LAMA5: variants seen among roughly 807,000 people sequenced by gnomAD.
LAMA5 encodes laminin subunit alpha-5.
A neutral mutation model predicts 433.4 loss-of-function variants in LAMA5; 260 were observed. The observed-to-expected ratio is 0.60, with a 90% CI of 0.54 to 0.66. The LOEUF (loss-of-function observed/expected upper bound fraction) is 0.66. Ranked by LOEUF, LAMA5 falls within the 30% of genes least tolerant of loss-of-function variation. The pLI, the probability that LAMA5 is intolerant of heterozygous loss-of-function variation, is 0.00. For missense variants in LAMA5, 5,378 were observed against 5,258.5 expected (o/e 1.02, Z -0.70); for synonymous variants, 2,620 against 2,226.6 (o/e 1.18, Z -4.97).
At chr20:62,331,639 G>A (rs961894386) in intron 28 of LAMA5, among the ~76,000 whole-genome samples, 8 of 152,208 alleles carry the variant, frequency 5.3e-5, no homozygotes, top group Non-Finnish European at 8.8e-5. Context: ...GGCACAAGCC[G>A]CAAATGGGTG....
At chr20:62,319,569 T>A in intron 51 of LAMA5, 115 bp downstream of exon 51, 1 of 714,142 alleles carries the variant, frequency 1.4e-6, no homozygotes, top group Non-Finnish European at 2.3e-6. Flanking sequence ...TCGTCTCCCA[T>A]CTAAAAGACA....
In LAMA5 at chr20:62,322,338, C is replaced by A; in HGVS notation, c.6277G>T (p.Gly2093Trp). The change falls in exon 47 of 80, where the codon GGG becomes TGG. Residue 2093 changes from glycine (G) to tryptophan (W), a missense_variant. Gly to Trp is a radical substitution (Grantham distance 184). Coordinates refer to ENST00000252999, the MANE Select transcript of LAMA5 (RefSeq NM_005560.6). Reference sequence around the variant, plus strand: ...TCGCGGCACTGGGGTCCCATGGTCCCTGGTCGGCAGTGGCACTGTCCGCTC... The same window carrying A: ...TCGCGGCACTGGGGTCCCATGGTCCATGGTCGGCAGTGGCACTGTCCGCTC... ...PQSGQCHCRP[G>W]TMGPQCRECA... 6.3e-7 allele frequency: 1 copy of A among 1,597,906 alleles called. No individual in the cohort carries two copies. The highest frequency in any genetic ancestry group is 2.3e-5 in the East Asian group (1 of 44,052).
intron 50 of LAMA5, among the ~76,000 whole-genome samples, chr20:62,320,088 A>G (rs1046128219): frequency 1.3e-5 from 2 of 152,028 alleles, no homozygotes; most frequent in Non-Finnish European, 2.9e-5. Context: ...GGAGGCTGAG[A>G]TGGGCAGATC....
chr20:62,315,555 T>A (rs1378553880), intron 58 of LAMA5, among the ~76,000 whole-genome samples: 1 of 152,096 alleles, frequency 6.6e-6, no homozygotes, highest in Non-Finnish European at 1.5e-5. Flanking sequence ...CATCGTCCTC[T>A]GCTCCAAGCC....
In LAMA5 at chr20:62,333,647, C is replaced by T. The variant is rs546695389; in HGVS notation, c.2938G>A (p.Val980Met). The T allele has an allele frequency of 3.3e-5, 53 of 1,591,902 alleles. No individual in the cohort carries two copies. Among genetic ancestry groups the T allele is most frequent in the East Asian group, 1.1e-4 (5 of 44,164 alleles). The change falls in exon 24 of 80, where the codon GTG (valine) becomes ATG (methionine). Residue 980 changes from valine (V) to methionine (M), a missense_variant. Coordinates refer to ENST00000252999, the MANE Select transcript of LAMA5 (RefSeq NM_005560.6). ...PPSTEPAFIT[V>M]PQRGFGEPFV... ...GGCTCTCCGAAGCCCCTCTGGGGCA[C>T]GGTGATGAAGGCAGGCTCCGTGCTG...
Position 62,317,652 on chromosome 20 carries a change from C to G in LAMA5, c.7356+10G>C. The G allele has an allele frequency of 1.3e-6, 2 of 1,559,144 alleles. No homozygotes were observed. The highest frequency in any genetic ancestry group is 8.7e-7 in the Non-Finnish European group (1 of 1,151,008). ...ATGGGGTGGCGACAGGGGCCAGGGG[C>G]TGCACTCACCTCCTTAGCCTGGTCC... On this transcript the variant is annotated intron_variant, in intron 54 of 79. Transcript: ENST00000252999.
At position 62,317,359 on chromosome 20, in the gene LAMA5, T is replaced by C; in HGVS notation, c.7497A>G (p.Ala2499=). ...TGGCCACCCACCTGGACAGATTGAG[T>C]GCCAGCTGGCCCAGCTGCTGTGCGT... ...EAHAQQLGQL[A]LNLSSIILDV... The change falls in exon 55 of 80, where the codon GCA becomes GCG. Residue 2499 remains alanine, a synonymous_variant. Coordinates refer to ENST00000252999, the MANE Select transcript of LAMA5 (RefSeq NM_005560.6). 1.9e-6 allele frequency: 3 copies of C among 1,607,788 alleles called. No individual in the cohort carries two copies. Among genetic ancestry groups the C allele is most frequent in the Non-Finnish European group, 2.5e-6 (3 of 1,178,706 alleles).
rs1443276502 is a variant in LAMA5, at chr20:62,334,214, C to G, written c.2711G>C (p.Arg904Thr). Residue 904 changes from arginine (R) to threonine (T), a missense_variant, in exon 22 of 80, where the codon AGG becomes ACG. By Grantham distance (71) the Arg-to-Thr change is moderately conservative. Transcript: ENST00000252999. Reference protein sequence around the residue: ...NPLEFENFSWRGYAQMAPVQP... With the variant: ...NPLEFENFSWTGYAQMAPVQP... The stretch of plus-strand genomic sequence containing the variant: ...GACAGGTGCCATCTGCGCGTAGCCC[C>G]TCCAGCTGAAGTTCTCGAACTCGAG... The G allele has an allele frequency of 1.9e-6, 3 of 1,612,932 alleles. No individual in the cohort carries two copies.
chr20:62,331,598 C>T (rs987554113), intron 28 of LAMA5, among the ~76,000 whole-genome samples: 12 of 152,192 alleles, frequency 7.9e-5, no homozygotes, highest in Non-Finnish European at 1.6e-4. Context: ...GCCCAGCTCT[C>T]CCAGGACCTG....
In LAMA5 at chr20:62,346,981, C is replaced by A; in HGVS notation, c.1004G>T (p.Arg335Leu). The change falls in exon 7 of 80, where the codon CGC becomes CTC. Residue 335 changes from arginine to leucine, a missense_variant. Arg to Leu is a moderately radical substitution (Grantham distance 102, BLOSUM62 -2). Transcript: ENST00000252999. Reference sequence around the variant, plus strand: ...CTGCTGATTGAAGCCGGGGCAGCAGCGGTCGCAGGTGCCCCCGCAGGTGTT... The same window carrying A: ...CTGCTGATTGAAGCCGGGGCAGCAGAGGTCGCAGGTGCCCCCGCAGGTGTT... ...QHNTCGGTCD[R>L]CCPGFNQQPW... 6.2e-7 allele frequency: 1 copy of A among 1,612,524 alleles called. No homozygotes were observed. The highest frequency in any genetic ancestry group is 8.5e-7 in the Non-Finnish European group (1 of 1,179,918).
At chr20:62,349,867 T>G (rs1195148805) in intron 6 of LAMA5, among the ~76,000 whole-genome samples, 30 of 38,072 alleles carry the variant, frequency 7.9e-4, no homozygotes, top group African/African-American at 1.7e-3. Flanking sequence ...GTAGTGGGGG[T>G]GATGGTTTGG....
In LAMA5 at chr20:62,328,100, C is replaced by T. The variant is rs376235994; in HGVS notation, c.4653-90G>A. On this transcript the variant is annotated intron_variant, in intron 35 of 79. Coordinates refer to ENST00000252999, the MANE Select transcript of LAMA5 (RefSeq NM_005560.6). ...TAGGCACCCCCCACCCAGGCAGCAT[C>T]CTCCCAGAAGTGGAGGAGAGGGCGC... 6.6e-4 allele frequency: 1,032 copies of T among 1,566,936 alleles called. 9 individuals are homozygous for T. The South Asian group carries it at 0.011, about 17-fold the overall frequency.
Position 62,346,226 on chromosome 20 carries a change from G to A in LAMA5, c.1283-11C>T. 8.1e-6 allele frequency: 13 copies of A among 1,608,570 alleles called. No homozygotes were observed. The highest frequency in any genetic ancestry group is 1.1e-5 in the Non-Finnish European group (13 of 1,178,134). ...ACTCGCAGTTGCAGCCTGGGCAGGG[G>A]CAGGAGCCGGGTAAGCCTGGAGCTA... is the stretch of plus-strand genomic sequence containing the variant. On this transcript the variant is annotated splice_polypyrimidine_tract_variant and intron_variant, in intron 9 of 79. Transcript: ENST00000252999.
rs1981620581 is a variant in LAMA5, at chr20:62,336,321, T to C, written c.2323+19A>G. ...TCCCCAAGGAACCCCTGTACCCCAA[T>C]ACTCCAGGGCACACTCACGGGTACA... On this transcript the variant is annotated intron_variant, in intron 18 of 79. Transcript: ENST00000252999. 6.5e-7 allele frequency: 1 copy of C among 1,536,570 alleles called. No homozygotes were observed. The highest frequency in any genetic ancestry group is 1.2e-5 in the South Asian group (1 of 86,326).
Position 62,345,894 on chromosome 20 carries a change from C to G in LAMA5, c.1418-17G>C. On this transcript the variant is annotated splice_polypyrimidine_tract_variant and intron_variant, in intron 10 of 79. Transcript: ENST00000252999. ...AGGGCGTCGCTGAGGGGAAGAGACA[C>G]GCATGTTGGCCAGGTCTGCTCAGAA... The G allele has an allele frequency of 6.4e-7, 1 of 1,556,324 alleles. No homozygotes were observed. The highest frequency in any genetic ancestry group is 2.4e-5 in the East Asian group (1 of 41,376).
rs375430013 is a variant in LAMA5, at chr20:62,346,150, G to A, written c.1348C>T (p.Arg450Trp). The change falls in exon 10 of 80, where the codon CGG (arginine) becomes TGG (tryptophan). Residue 450 changes from arginine (R) to tryptophan (W), a missense_variant. Physicochemically the swap from Arg to Trp is moderately radical, Grantham distance 101 (BLOSUM62 -3). Coordinates refer to ENST00000252999, the MANE Select transcript of LAMA5 (RefSeq NM_005560.6). ...CEDLTGRCYC[R>W]PNFSGERCDV... Reference sequence around the variant, plus strand: ...CACCGCTCCCCAGAGAAGTTGGGCCGGCAGTAGCATCGACCCGTCAGGTCC... The same window carrying A: ...CACCGCTCCCCAGAGAAGTTGGGCCAGCAGTAGCATCGACCCGTCAGGTCC... The A allele has an allele frequency of 6.3e-5, 101 of 1,613,042 alleles. 1 individual carries two copies. The highest frequency in any genetic ancestry group is 7.3e-5 in the Non-Finnish European group (86 of 1,179,960).
intron 53 of LAMA5, 51 bp downstream of exon 53, chr20:62,318,403 G>A (rs761657621): frequency 2.7e-6 from 4 of 1,456,758 alleles, no homozygotes; most frequent in Admixed American, 3.5e-5. Flanking sequence ...AGGGATTGCA[G>A]GGAGGAGGCG....
At position 62,315,953 on chromosome 20, in the gene LAMA5, T is replaced by A. The variant is rs768999631; in HGVS notation, c.7862A>T (p.Asp2621Val). The change falls in exon 58 of 80, where the codon GAC becomes GTC. Residue 2621 changes from aspartate (D) to valine (V), a missense_variant. Coordinates refer to ENST00000252999, the MANE Select transcript of LAMA5 (RefSeq NM_005560.6). The stretch of plus-strand genomic sequence containing the variant: ...CGGGCCCAGGCTCCGCATACCTGTG[T>A]CCATGGCAAGCATGGCCTGCGCCGC... Reference protein sequence around the residue: ...IQAAQAMLAMDTDETSKKIAH... With the variant: ...IQAAQAMLAMVTDETSKKIAH... 5 of 1,599,012 alleles carry A rather than the reference T, an allele frequency of 3.1e-6. No homozygotes were observed. The Admixed American group carries it at 8.5e-5, about 27-fold the overall frequency.
At chr20:62,321,439 G>T (rs1230744733) in intron 48 of LAMA5, among the ~76,000 whole-genome samples, 6 of 3,560 alleles carry the variant, frequency 1.7e-3, no homozygotes, top group South Asian at 0.01. Context: ...GAGGGGTAGG[G>T]CCAGCAGAGG....
Sources: allele counts gnomAD v4.1 joint callset (sites outside exome capture counted in the v4.1 genomes callset), GRCh38; gene constraint gnomAD v4.1.1; transcripts MANE v1.5; gene names NCBI Gene and HGNC (gene_info 2026-07-23, HGNC 2026-07-21).